The following KLHL24 variants were observed in gnomAD, a reference collection of about 807,000 sequenced individuals.
The protein encoded by KLHL24 is kelch like family member 24, also known as kelch-like protein 24.
In KLHL24, 29 loss-of-function variants were observed where a neutral mutation model predicts 53.4. The ratio of observed to expected loss-of-function variants is 0.54; its 90% CI spans 0.40 to 0.74. KLHL24 has a LOEUF of 0.74. Ranked by LOEUF, KLHL24 falls within the 30% of genes least tolerant of loss-of-function variation. The pLI is 0.00. For synonymous variants in KLHL24, 222 were observed against 253.7 expected (o/e 0.88, Z 1.19); for missense variants, 504 against 744.0 (o/e 0.68, Z 3.75).
intron 7 of KLHL24, among the ~76,000 whole-genome samples, chr3:183,674,302 TC>T (rs746931699): frequency 2.7e-4 from 39 of 144,608 alleles, no homozygotes; most frequent in African/African-American, 4.4e-4. Context: ...TTTCTTTCTT[TC>T]CTTTCTTCCT....
intron 5 of KLHL24, among the ~76,000 whole-genome samples, chr3:183,670,596 T>C (rs1721199872): frequency 6.6e-6 from 1 of 152,236 alleles, no homozygotes; most frequent in Non-Finnish European, 1.5e-5. Context: ...ACAGCTCTAA[T>C]ACTTTATAAT....
At chr3:183,673,019 T>A (rs891788786) in intron 7 of KLHL24, 3 of 149,776 alleles carry the variant, frequency 2.0e-5, no homozygotes, top group Non-Finnish European at 4.4e-5. Flanking sequence ...TAAATAAAAA[T>A]AAAATAAAAT....
intron 7 of KLHL24, among the ~76,000 whole-genome samples, chr3:183,676,574 G>A (rs935633549): frequency 6.6e-6 from 1 of 152,174 alleles, no homozygotes; most frequent in Non-Finnish European, 1.5e-5. Flanking sequence ...TGAAAAAAAT[G>A]AGGTCTTTAT....
intron 7 of KLHL24, among the ~76,000 whole-genome samples, chr3:183,675,775 T>G (rs573278802): frequency 6.6e-6 from 1 of 150,376 alleles, no homozygotes; most frequent in South Asian, 2.1e-4. Flanking sequence ...TCAAAAAAAA[T>G]TTAAAAAAAA....
chr3:183,659,930 C>T (rs1172496652), intron 3 of KLHL24, among the ~76,000 whole-genome samples: 1 of 152,046 alleles, frequency 6.6e-6, no homozygotes, highest in East Asian at 1.9e-4. Flanking sequence ...TGAGCAGATG[C>T]CCAATAGCAA....
At chr3:183,639,437 T>C (rs934440750) in intron 1 of KLHL24, among the ~76,000 whole-genome samples, 24 of 151,646 alleles carry the variant, frequency 1.6e-4, no homozygotes, top group African/African-American at 3.1e-4. Context: ...AAGACCATCC[T>C]GGCTAACACG....
At position 183,650,107 on chromosome 3, in the gene KLHL24, T is replaced by C. The variant is rs1245175584; in HGVS notation, c.-61-189T>C. Reference sequence around the variant, plus strand: ...GAGCTTAAGGAGTACTATTGCAAATTACCCCAATGTTCTAATTGTTCAAAT... The same window carrying C: ...GAGCTTAAGGAGTACTATTGCAAATCACCCCAATGTTCTAATTGTTCAAAT... On this transcript the variant is annotated intron_variant, in intron 2 of 7. Transcript: ENST00000242810. This position sits in a 1 kb window ranked among gnomAD's most constrained non-coding sequence, Gnocchi z 4.5. Among the ~76,000 whole-genome samples, 1 of 152,196 alleles carries C rather than the reference T, an allele frequency of 6.6e-6. No individual in the cohort carries two copies. The highest frequency in any genetic ancestry group is 1.5e-5 in the Non-Finnish European group (1 of 68,038).
intron 5 of KLHL24, 135 bp from the exon 6 acceptor site, chr3:183,670,899 C>T (rs1721250680): frequency 1.6e-6 from 1 of 624,016 alleles, no homozygotes; most frequent in Non-Finnish European, 2.8e-6. Flanking sequence ...TTCAGAAACT[C>T]TGAGCTAAAT....
At chr3:183,653,124 G>A (rs1029865588) in intron 3 of KLHL24, among the ~76,000 whole-genome samples, 5 of 152,146 alleles carry the variant, frequency 3.3e-5, no homozygotes, top group Non-Finnish European at 7.3e-5. Flanking sequence ...TTTCCACAGT[G>A]AAACATCTAT....
intron 3 of KLHL24, among the ~76,000 whole-genome samples, chr3:183,659,340 C>T (rs58688857): frequency 6.6e-6 from 1 of 152,070 alleles, no homozygotes; most frequent in East Asian, 1.9e-4. Context: ...AGTTCGAGAC[C>T]AGCCTGACCA....
intron 6 of KLHL24, 22 bp from the exon 7 acceptor site, chr3:183,672,274 A>T: frequency 7.6e-7 from 1 of 1,313,618 alleles, no homozygotes; most frequent in Admixed American, 2.5e-5. Flanking sequence ...AATTTTAATT[A>T]TATATTTTTA....
chr3:183,640,600 CTTTTTTTTT>C (rs761361160), intron 1 of KLHL24, among the ~76,000 whole-genome samples: 1 of 61,668 alleles, frequency 1.6e-5, no homozygotes, highest in Admixed American at 1.6e-4. Context: ...TTTCTTTTTT[CTTTTTTTTT>C]TTTTTTTTGA....
At chr3:183,647,954 C>T (rs1428854360) in intron 2 of KLHL24, among the ~76,000 whole-genome samples, 3 of 152,020 alleles carry the variant, frequency 2.0e-5, no homozygotes, top group South Asian at 2.1e-4. Flanking sequence ...TGCAGTGAGC[C>T]GAGGTCATGG....
At chr3:183,645,346 A>G (rs1386731145) in intron 2 of KLHL24, among the ~76,000 whole-genome samples, 1 of 152,202 alleles carries the variant, frequency 6.6e-6, no homozygotes, top group African/African-American at 2.4e-5. Context: ...GGTTATTGAG[A>G]TAACTTCAAA....
chr3:183,650,334 T>G lies in KLHL24; in HGVS notation c.-23T>G. 1 of 1,582,390 alleles carries G rather than the reference T, an allele frequency of 6.3e-7. No homozygotes were observed. Among genetic ancestry groups the G allele is most frequent in the East Asian group, 2.2e-5 (1 of 44,514 alleles). ...ATCCCTAATAGTCATTTCTCAACAA[T>G]TATATAGTCAACTGATGTAACAATG... is the stretch of plus-strand genomic sequence containing the variant. On this transcript the variant is annotated 5_prime_UTR_variant, in exon 3 of 8. Coordinates refer to ENST00000242810, the MANE Select transcript of KLHL24 (RefSeq NM_017644.3). This position sits in a 1 kb window ranked among gnomAD's most constrained non-coding sequence, Gnocchi z 4.5.
rs1260170773 is a variant in KLHL24, at chr3:183,663,366, G to A, written c.921-92G>A. ...AACTTAACTGTTTATAATAGTGCGTGGTTTGTTTTTAGAGTTTTAAGAAAA... is the reference window on the plus strand; with the variant it reads ...AACTTAACTGTTTATAATAGTGCGTAGTTTGTTTTTAGAGTTTTAAGAAAA... On this transcript the variant is annotated intron_variant, in intron 3 of 7. Transcript: ENST00000242810. The surrounding 1 kb of genome is among the most constrained non-coding windows in gnomAD (Gnocchi z 4.9). 2 of 593,870 alleles carry A rather than the reference G, an allele frequency of 3.4e-6. No individual in the cohort carries two copies. Among genetic ancestry groups the A allele is most frequent in the Admixed American group, 3.8e-5 (1 of 26,428 alleles). 36.8% of individuals were successfully genotyped at this position (593,870 alleles called of 1,614,324 possible). A position where few individuals can be genotyped will look rare whatever the true frequency, so the allele number is the denominator to read the frequency against.
chr3:183,678,441 C>T (rs1192902832), intron 7 of KLHL24, among the ~76,000 whole-genome samples: 2 of 152,254 alleles, frequency 1.3e-5, no homozygotes, highest in East Asian at 3.9e-4. Flanking sequence ...TGCTTAACTA[C>T]CATTAAGTTA....
At chr3:183,669,469 C>T (rs747634039) in intron 5 of KLHL24, among the ~76,000 whole-genome samples, 37 of 152,292 alleles carry the variant, frequency 2.4e-4, no homozygotes, top group African/African-American at 8.4e-4. Context: ...ATTGCTACAT[C>T]GTGCCACAGG....
In KLHL24 at chr3:183,658,429, A is replaced by T. The variant is rs998345161; in HGVS notation, c.921-5029A>T. On this transcript the variant is annotated intron_variant, in intron 3 of 7. Coordinates refer to ENST00000242810, the MANE Select transcript of KLHL24 (RefSeq NM_017644.3). ...TTTTGAAAGAGCTATATGGTATCCT[A>T]TTTATGGATATACCATAATTTATTT... Among the ~76,000 whole-genome samples, 7 of 152,248 alleles carry T rather than the reference A, an allele frequency of 4.6e-5. No individual in the cohort carries two copies. The South Asian group carries it at 1.4e-3, about 32-fold the overall frequency.
Sources: gnomAD v4.1 joint callset for allele counts (sites outside exome capture counted in the v4.1 genomes callset) on GRCh38, gnomAD v4.1.1 for gene constraint, Gnocchi (gnomAD v3.1) non-coding constraint, MANE v1.5 for transcripts, NCBI Gene and HGNC (gene_info 2026-07-23, HGNC 2026-07-21) for gene names.